The following FMN1 variants were observed in gnomAD, a reference collection of about 807,000 sequenced individuals.
The protein encoded by FMN1 is formin-1.
FMN1 carries 110 observed loss-of-function variants against 132.4 expected under a neutral mutation model. The ratio of observed to expected loss-of-function variants is 0.83; its 90% CI spans 0.71 to 0.97. FMN1 has a LOEUF of 0.97. Among genes scored for constraint, FMN1 ranks in the 50% least tolerant of loss-of-function variants. The probability of loss-of-function intolerance (pLI) is 0.00; values close to 1 mark genes in which losing one functional copy is unlikely to be tolerated. For missense variants in FMN1, 1,792 were observed against 1,705.3 expected (o/e 1.05, Z -0.90); for synonymous variants, 722 against 651.7 (o/e 1.11, Z -1.64).
At chr15:33,060,809 TTTTC>T (rs1197335864) in intron 6 of FMN1, among the ~76,000 whole-genome samples, 1 of 152,240 alleles carries the variant, frequency 6.6e-6, no homozygotes, top group Admixed American at 6.5e-5. Context: ...CTTCAAACTT[TTTTC>T]TTTCTCATTC....
chr15:32,806,703 G>C (rs774321047), intron 17 of FMN1, among the ~76,000 whole-genome samples: 2 of 152,184 alleles, frequency 1.3e-5, no homozygotes, highest in African/African-American at 2.4e-5. Context: ...TGAGCGCACT[G>C]AGCGTGCACA....
At chr15:33,054,604 C>T (rs1039567722) in intron 6 of FMN1, among the ~76,000 whole-genome samples, 9 of 152,194 alleles carry the variant, frequency 5.9e-5, no homozygotes, top group Non-Finnish European at 1.2e-4. Context: ...TACCCTTTCC[C>T]TCCTCTTCTA....
chr15:32,846,476 T>C (rs151087797), intron 17 of FMN1, among the ~76,000 whole-genome samples: 2,467 of 152,286 alleles, frequency 0.016, 72 homozygotes, highest in African/African-American at 0.057. Flanking sequence ...TCAACATCAC[T>C]GATCATTAGA....
intron 16 of FMN1, among the ~76,000 whole-genome samples, chr15:32,870,912 T>TA (rs1352840932): frequency 6.6e-6 from 1 of 152,124 alleles, no homozygotes. Flanking sequence ...AAAGAAAACA[T>TA]TGTCAAGAAT....
chr15:32,866,621 A>G (rs1363483569), intron 16 of FMN1, among the ~76,000 whole-genome samples: 1 of 152,140 alleles, frequency 6.6e-6, no homozygotes, highest in African/African-American at 2.4e-5. Flanking sequence ...CAGTCTAATC[A>G]TTTTCCCAGT....
intron 16 of FMN1, among the ~76,000 whole-genome samples, chr15:32,869,977 A>T (rs2059477368): frequency 6.6e-6 from 1 of 152,216 alleles, no homozygotes; most frequent in Admixed American, 6.5e-5. Flanking sequence ...TTGTTTAAGA[A>T]GTTAAGCTAC....
At chr15:32,925,762 T>C (rs1266174378) in intron 10 of FMN1, among the ~76,000 whole-genome samples, 2 of 152,124 alleles carry the variant, frequency 1.3e-5, no homozygotes, top group African/African-American at 4.8e-5. Context: ...GGAGTATTGT[T>C]TGGAAAAGTA....
intron 15 of FMN1, among the ~76,000 whole-genome samples, chr15:32,890,083 C>A (rs1488396941): frequency 6.6e-6 from 1 of 152,132 alleles, no homozygotes; most frequent in Non-Finnish European, 1.5e-5. Flanking sequence ...TCATCCGGGT[C>A]GCCGAAAATG....
intron 6 of FMN1, among the ~76,000 whole-genome samples, chr15:33,029,641 A>G (rs974964580): frequency 2.0e-5 from 3 of 152,180 alleles, no homozygotes; most frequent in Admixed American, 2.0e-4. Flanking sequence ...TGGCTGCTAT[A>G]GAAGGCAATG....
intron 17 of FMN1, among the ~76,000 whole-genome samples, chr15:32,823,735 A>G (rs1236956500): frequency 1.3e-5 from 2 of 152,386 alleles, no homozygotes; most frequent in East Asian, 3.9e-4. Flanking sequence ...TTTTTAAAAT[A>G]CCAATTTTAA....
chr15:33,067,995 G>A (rs2037827174), intron 5 of FMN1: 15 of 1,467,692 alleles, frequency 1.0e-5, no homozygotes, highest in African/African-American at 2.8e-5. Flanking sequence ...AACAGGACCC[G>A]GGAGTCAGGC....
chr15:33,081,634 A>G (rs1242948800), intron 5 of FMN1, among the ~76,000 whole-genome samples: 1 of 152,200 alleles, frequency 6.6e-6, no homozygotes, highest in African/African-American at 2.4e-5. Context: ...TCTTAAACTA[A>G]AAACAAAAGA....
chr15:32,967,841 T>C (rs2031386641), intron 8 of FMN1, among the ~76,000 whole-genome samples: 1 of 152,248 alleles, frequency 6.6e-6, no homozygotes, highest in African/African-American at 2.4e-5. Context: ...GAAGAATGCA[T>C]TACCACATGA....
At position 32,826,612 on chromosome 15, in the gene FMN1, A is replaced by C. The variant is rs2058373980; in HGVS notation, c.3929-22280T>G. Among the ~76,000 whole-genome samples the C allele has an allele frequency of 2.0e-5, 3 of 152,320 alleles. No homozygotes were observed. In the South Asian group the frequency reaches 6.2e-4, roughly 32 times the overall value. ...GAGAACAACAAGGGAGTCTCTCTTC[A>C]TCTATGTTTAATCCAGACTTCTTGC... is the stretch of plus-strand genomic sequence containing the variant. On this transcript the variant is annotated intron_variant, in intron 17 of 20. Coordinates refer to ENST00000616417, the MANE Select transcript of FMN1 (RefSeq NM_001277313.2).
chr15:32,963,244 C>CA (rs1478407917), intron 9 of FMN1, among the ~76,000 whole-genome samples: 1 of 147,388 alleles, frequency 6.8e-6, no homozygotes. Context: ...ATCACAAGAA[C>CA]AAAAAACCAA....
intron 6 of FMN1, among the ~76,000 whole-genome samples, chr15:33,045,891 G>C (rs1052073563): frequency 6.6e-6 from 1 of 152,030 alleles, no homozygotes; most frequent in Non-Finnish European, 1.5e-5. Context: ...AATAAAAACG[G>C]GATCCCTTCT....
At chr15:33,189,070 G>GA (rs1965985252) in intron 2 of FMN1, among the ~76,000 whole-genome samples, 1 of 152,114 alleles carries the variant, frequency 6.6e-6, no homozygotes, top group Admixed American at 6.5e-5. Flanking sequence ...CAAATATCGT[G>GA]AAAATTAGAA....
chr15:33,122,743 T>C (rs1962683877), intron 4 of FMN1, among the ~76,000 whole-genome samples: 1 of 152,244 alleles, frequency 6.6e-6, no homozygotes, highest in Admixed American at 6.5e-5. Flanking sequence ...AAGCTAATGA[T>C]GTGTGTCAAC....
rs941627054 is a variant in FMN1, at chr15:33,152,126, G to A, written c.1867+922C>T. 3.9e-5 allele frequency among the ~76,000 whole-genome samples: 6 copies of A among 152,180 alleles called. 1 individual carries two copies. Among genetic ancestry groups the A allele is most frequent in the South Asian group, 4.1e-4 (2 of 4,820 alleles). ...GCATTGCCCACATGCTGTTAGAGGA[G>A]CTCTGAAAAAGAACACATAACCTGC... is the stretch of plus-strand genomic sequence containing the variant. On this transcript the variant is annotated intron_variant, in intron 4 of 20. Transcript: ENST00000616417.
Sources: gnomAD v4.1 joint callset for allele counts (sites outside exome capture counted in the v4.1 genomes callset) on GRCh38, gnomAD v4.1.1 for gene constraint, MANE v1.5 for transcripts, NCBI Gene and HGNC (gene_info 2026-07-23, HGNC 2026-07-21) for gene names.